Variants in CHRM3 observed in about 807,000 individuals in gnomAD.
CHRM3 encodes the protein muscarinic acetylcholine receptor M3.
A neutral mutation model predicts 41.8 loss-of-function variants in CHRM3; 11 were observed. The ratio of observed to expected loss-of-function variants is 0.26; its 90% confidence interval spans 0.17 to 0.44. CHRM3 has a LOEUF of 0.44. Ranked by LOEUF, CHRM3 falls within the 20% of genes least tolerant of loss-of-function variation. The pLI is 1.00. For missense variants in CHRM3, 571 were observed against 745.4 expected (o/e 0.77, Z 2.72); for synonymous variants, 297 against 301.4 (o/e 0.99, Z 0.15).
chr1:239,410,692 C>T lies in CHRM3; in HGVS notation c.-521+23465C>T, dbSNP rs182288880. On this transcript the variant is annotated intron_variant, in intron 1 of 6. Coordinates refer to ENST00000676153, the MANE Select transcript of CHRM3 (RefSeq NM_001375978.1). ...GCATGCAGTGTCCCTTCTACACCCCCTTCCTCCAGCACCATCTTTCTGTTA... is the reference window on the plus strand; with the variant it reads ...GCATGCAGTGTCCCTTCTACACCCCTTTCCTCCAGCACCATCTTTCTGTTA... Among the ~76,000 whole-genome samples the T allele has an allele frequency of 4.6e-5, 7 of 152,314 alleles. No individual in the cohort carries two copies. The East Asian group carries it at 5.8e-4, about 13-fold the overall frequency.
At chr1:239,459,639 A>G (rs58463672) in intron 1 of CHRM3, among the ~76,000 whole-genome samples, 9,794 of 152,212 alleles carry the variant, frequency 0.064, 593 homozygotes, top group African/African-American at 0.16. Flanking sequence ...TTATTTTCAT[A>G]TTTAGAGAAC....
intron 2 of CHRM3, among the ~76,000 whole-genome samples, chr1:239,518,050 G>A (rs1669388722): frequency 6.6e-6 from 1 of 152,024 alleles, no homozygotes; most frequent in East Asian, 1.9e-4. Context: ...AGGTTGCAGT[G>A]AGCCAAAATC....
chr1:239,661,261 C>T (rs1038323606), intron 4 of CHRM3, among the ~76,000 whole-genome samples: 3 of 152,204 alleles, frequency 2.0e-5, no homozygotes, highest in African/African-American at 7.2e-5. Context: ...CTCTCAATAA[C>T]ATTATAAACT....
At chr1:239,513,085 T>A (rs2148210581) in intron 2 of CHRM3, among the ~76,000 whole-genome samples, 1 of 152,308 alleles carries the variant, frequency 6.6e-6, no homozygotes, top group East Asian at 1.9e-4. Flanking sequence ...ATTCCAGATT[T>A]TGCAAGTCGG....
intron 6 of CHRM3, among the ~76,000 whole-genome samples, chr1:239,899,011 C>A (rs571070203): frequency 6.6e-6 from 1 of 152,082 alleles, no homozygotes; most frequent in African/African-American, 2.4e-5. Context: ...TTGTTTCACC[C>A]TCTTCTTTTA....
chr1:239,831,712 G>A (rs939058872), intron 6 of CHRM3, among the ~76,000 whole-genome samples: 9 of 152,074 alleles, frequency 5.9e-5, no homozygotes, highest in African/African-American at 1.7e-4. Context: ...TGTGAGGCCC[G>A]GGGGTGCTTG....
intron 3 of CHRM3, among the ~76,000 whole-genome samples, chr1:239,565,416 A>G (rs987762641): frequency 1.3e-5 from 2 of 152,138 alleles, no homozygotes; most frequent in African/African-American, 4.8e-5. Flanking sequence ...TGTGACTGTA[A>G]TAGTTCAGGA....
intron 5 of CHRM3, among the ~76,000 whole-genome samples, chr1:239,774,288 G>A (rs1407927380): frequency 1.3e-5 from 2 of 152,082 alleles, no homozygotes; most frequent in Non-Finnish European, 2.9e-5. Flanking sequence ...GGCTGGGTGA[G>A]TTAGATATAA....
intron 1 of CHRM3, among the ~76,000 whole-genome samples, chr1:239,441,297 C>T (rs947936000): frequency 2.6e-5 from 4 of 152,124 alleles, no homozygotes; most frequent in Non-Finnish European, 5.9e-5. Flanking sequence ...ACAGTCATTA[C>T]CTAAATTGGA....
chr1:239,736,267 G>A (rs770693557), intron 5 of CHRM3, among the ~76,000 whole-genome samples: 25 of 152,038 alleles, frequency 1.6e-4, no homozygotes, highest in Non-Finnish European at 2.8e-4. Flanking sequence ...TGAGCCAGAC[G>A]AATAGAACCA....
At chr1:239,800,021 G>A (rs1217639958) in intron 5 of CHRM3, among the ~76,000 whole-genome samples, 1 of 151,840 alleles carries the variant, frequency 6.6e-6, no homozygotes, top group Admixed American at 6.6e-5. Context: ...AGCTTTTTTT[G>A]TTTGTTTTCC....
intron 5 of CHRM3, among the ~76,000 whole-genome samples, chr1:239,751,571 C>A (rs934183612): frequency 6.6e-6 from 1 of 152,064 alleles, no homozygotes; most frequent in Non-Finnish European, 1.5e-5. Context: ...TATTAAGATG[C>A]TTTTACTTAT....
intron 3 of CHRM3, among the ~76,000 whole-genome samples, chr1:239,566,876 T>C (rs557276705): frequency 1.2e-4 from 19 of 152,306 alleles, no homozygotes; most frequent in African/African-American, 4.3e-4. Context: ...TGTGTCTGGG[T>C]GCCAGTGTAT....
At chr1:239,507,229 A>T (rs929232438) in intron 2 of CHRM3, among the ~76,000 whole-genome samples, 1 of 152,154 alleles carries the variant, frequency 6.6e-6, no homozygotes, top group African/African-American at 2.4e-5. Context: ...CTATGCCCCT[A>T]CCCAAATCTC....
intron 1 of CHRM3, among the ~76,000 whole-genome samples, chr1:239,422,421 A>G (rs1390962980): frequency 1.3e-5 from 2 of 152,174 alleles, no homozygotes; most frequent in Non-Finnish European, 2.9e-5. Context: ...CCTCAGAACA[A>G]ACATTGGGAA....
intron 5 of CHRM3, among the ~76,000 whole-genome samples, chr1:239,813,726 G>A (rs1671310405): frequency 7.9e-6 from 1 of 127,122 alleles, no homozygotes; most frequent in African/African-American, 3.3e-5. Context: ...GACCATCCTG[G>A]CTAACACGGT....
At chr1:239,770,096 A>T (rs928246501) in intron 5 of CHRM3, among the ~76,000 whole-genome samples, 7 of 152,206 alleles carry the variant, frequency 4.6e-5, no homozygotes, top group African/African-American at 1.4e-4. Flanking sequence ...CTATATCAAA[A>T]TACGTTGAAC....
At chr1:239,586,217 G>A (rs551965428) in intron 3 of CHRM3, among the ~76,000 whole-genome samples, 1 of 148,754 alleles carries the variant, frequency 6.7e-6, no homozygotes, top group Admixed American at 6.9e-5. Flanking sequence ...AGAACTGACT[G>A]AAAATTATAT....
intron 3 of CHRM3, among the ~76,000 whole-genome samples, chr1:239,619,824 G>A (rs938978572): frequency 4.6e-5 from 7 of 151,996 alleles, no homozygotes; most frequent in East Asian, 1.9e-4. Context: ...AGTGAGAGAC[G>A]AGTGGGATTC....
Sources: allele counts gnomAD v4.1 joint callset (sites outside exome capture counted in the v4.1 genomes callset), GRCh38; gene constraint gnomAD v4.1.1; transcripts MANE v1.5; gene names NCBI Gene and HGNC (gene_info 2026-07-23, HGNC 2026-07-21).